ERC2: variants seen among roughly 807,000 people sequenced by gnomAD.
ERC2 encodes ELKS/RAB6-interacting/CAST family member 2.
In ERC2, 42 loss-of-function variants were observed where a neutral mutation model predicts 114.8. The observed-to-expected ratio is 0.37, with a 90% CI of 0.29 to 0.47. The LOEUF is 0.47. Ranked by LOEUF, ERC2 falls within the 20% of genes least tolerant of loss-of-function variation. The pLI, the probability that ERC2 is intolerant of heterozygous loss-of-function variation, is 0.99. For missense variants in ERC2, 939 were observed against 1,150.7 expected (o/e 0.82, Z 2.66); for synonymous variants, 454 against 425.5 (o/e 1.07, Z -0.82).
intron 2 of ERC2, among the ~76,000 whole-genome samples, chr3:56,320,797 G>C (rs1040914745): frequency 2.0e-5 from 3 of 152,196 alleles, no homozygotes; most frequent in African/African-American, 4.8e-5. Context: ...GAGGTGGGGA[G>C]AGTGGGAGCA....
chr3:55,677,915 C>T (rs1326426719), intron 17 of ERC2, among the ~76,000 whole-genome samples: 2 of 152,160 alleles, frequency 1.3e-5, no homozygotes, highest in African/African-American at 4.8e-5. Context: ...ACACTTTGTT[C>T]ACTACCTTGA....
intron 2 of ERC2, among the ~76,000 whole-genome samples, chr3:56,317,477 C>T (rs899010672): frequency 6.6e-6 from 1 of 152,058 alleles, no homozygotes; most frequent in African/African-American, 2.4e-5. Context: ...TGTTTAGCAC[C>T]ACATGTTGCA....
At chr3:56,378,072 T>A (rs1283171817) in intron 2 of ERC2, among the ~76,000 whole-genome samples, 1 of 152,058 alleles carries the variant, frequency 6.6e-6, no homozygotes, top group African/African-American at 2.4e-5. Flanking sequence ...ACCTTCCATT[T>A]GGGAACCCAA....
At chr3:56,285,253 C>T (rs1318244563) in intron 3 of ERC2, among the ~76,000 whole-genome samples, 2 of 151,886 alleles carry the variant, frequency 1.3e-5, no homozygotes, top group Admixed American at 6.6e-5. Flanking sequence ...TGCCACAGCC[C>T]CAGGCCAGCC....
intron 12 of ERC2, among the ~76,000 whole-genome samples, chr3:55,976,658 C>T (rs754379248): frequency 6.6e-6 from 1 of 152,088 alleles, no homozygotes; most frequent in Non-Finnish European, 1.5e-5. Flanking sequence ...ACTACGTGAA[C>T]TTAGACAAAC....
chr3:56,110,066 A>T (rs1267437990), intron 6 of ERC2, among the ~76,000 whole-genome samples: 1 of 152,184 alleles, frequency 6.6e-6, no homozygotes, highest in Non-Finnish European at 1.5e-5. Flanking sequence ...TAGGCAAATC[A>T]CGGCGAAAAT....
At chr3:55,904,250 C>A (rs2149350607) in intron 13 of ERC2, among the ~76,000 whole-genome samples, 1 of 152,208 alleles carries the variant, frequency 6.6e-6, no homozygotes, top group Non-Finnish European at 1.5e-5. Context: ...GGATACAGAT[C>A]ATATTTTAAT....
intron 17 of ERC2, among the ~76,000 whole-genome samples, chr3:55,522,404 G>T (rs1266516136): frequency 6.6e-6 from 1 of 152,126 alleles, no homozygotes; most frequent in East Asian, 1.9e-4. Context: ...AGATACAAAG[G>T]CAGATTCAGT....
intron 2 of ERC2, among the ~76,000 whole-genome samples, chr3:56,409,743 T>A (rs1157948935): frequency 4.6e-5 from 7 of 152,182 alleles, no homozygotes; most frequent in Admixed American, 4.6e-4. Context: ...CCCGTGTATC[T>A]TCAACTCCCT....
chr3:56,140,314 C>T (rs192106967), intron 5 of ERC2, among the ~76,000 whole-genome samples: 2 of 152,246 alleles, frequency 1.3e-5, no homozygotes, highest in South Asian at 4.2e-4. Context: ...ATTACCACCC[C>T]AAATTTTGTG....
chr3:55,914,577 C>T (rs531950567), intron 13 of ERC2, among the ~76,000 whole-genome samples: 4 of 152,282 alleles, frequency 2.6e-5, no homozygotes, highest in African/African-American at 7.2e-5. Flanking sequence ...CCCTACTACT[C>T]GTCCTCTCCT....
At chr3:56,404,585 AAC>A (rs2060640001) in intron 2 of ERC2, among the ~76,000 whole-genome samples, 1 of 152,232 alleles carries the variant, frequency 6.6e-6, no homozygotes, top group Admixed American at 6.5e-5. Context: ...ATTAGATTGT[AAC>A]ACAAAGGATA....
intron 17 of ERC2, among the ~76,000 whole-genome samples, chr3:55,525,165 CAGA>C (rs2053228693): frequency 6.6e-6 from 1 of 152,204 alleles, no homozygotes; most frequent in Non-Finnish European, 1.5e-5. Flanking sequence ...AGCAGGAAGG[CAGA>C]AGAATTTCCT....
intron 3 of ERC2, among the ~76,000 whole-genome samples, chr3:56,221,826 C>G (rs1386518467): frequency 2.0e-5 from 3 of 152,080 alleles, no homozygotes; most frequent in African/African-American, 4.8e-5. Context: ...ATGGTGTGAA[C>G]CCAGGAGGCG....
chr3:56,073,624 G>A (rs180783499), intron 7 of ERC2, among the ~76,000 whole-genome samples: 1 of 152,306 alleles, frequency 6.6e-6, no homozygotes, highest in Admixed American at 6.5e-5. Context: ...TCAGACCTAT[G>A]TGAACAGCTC....
chr3:56,061,382 C>G (rs553342126), intron 7 of ERC2, among the ~76,000 whole-genome samples: 1 of 152,312 alleles, frequency 6.6e-6, no homozygotes, highest in South Asian at 2.1e-4. Flanking sequence ...CTGCTTTTCT[C>G]TCTGGACTAG....
At chr3:56,222,320 T>A (rs1465852028) in intron 3 of ERC2, among the ~76,000 whole-genome samples, 1 of 152,162 alleles carries the variant, frequency 6.6e-6, no homozygotes, top group Non-Finnish European at 1.5e-5. Context: ...CTAAGCCACA[T>A]CCACACTACA....
chr3:55,519,756 G>T (rs1208066570), intron 17 of ERC2, among the ~76,000 whole-genome samples: 2 of 152,130 alleles, frequency 1.3e-5, no homozygotes, highest in South Asian at 4.1e-4. Context: ...ATTTAGGCTG[G>T]ACATCATGGT....
rs77995128 is a variant in ERC2, at chr3:55,809,540, G to A, written c.2565-74622C>T. Among the ~76,000 whole-genome samples, 942 of 152,132 alleles carry A rather than the reference G, an allele frequency of 6.2e-3. 15 individuals are homozygous for A. Among genetic ancestry groups the A allele is most frequent in the African/African-American group, 0.021 (891 of 41,508 alleles). On this transcript the variant is annotated intron_variant, in intron 14 of 17. Transcript: ENST00000288221. ...GGGACTGATATCCAGAGCATATAAG[G>A]AACTCAAACAACTCAATAGCATAAA...
Sources: allele counts gnomAD v4.1 joint callset (sites outside exome capture counted in the v4.1 genomes callset), GRCh38; gene constraint gnomAD v4.1.1; transcripts MANE v1.5; gene names NCBI Gene and HGNC (gene_info 2026-07-23, HGNC 2026-07-21).